The following DIP2C variants were observed in gnomAD, a reference collection of about 807,000 sequenced individuals.
The protein encoded by DIP2C is disco-interacting protein 2 homolog C.
A neutral mutation model predicts 192.4 loss-of-function variants in DIP2C; 33 were observed. That is an observed-to-expected ratio of 0.17 (90% confidence interval 0.13 to 0.23). The LOEUF is 0.23. Among genes scored for constraint, DIP2C ranks in the 10% least tolerant of loss-of-function variants. The probability of loss-of-function intolerance (pLI) is 1.00; values close to 1 mark genes in which losing one functional copy is unlikely to be tolerated. For synonymous variants in DIP2C, 979 were observed against 864.1 expected (o/e 1.13, Z -2.33); for missense variants, 1,537 against 2,110.1 (o/e 0.73, Z 5.32).
At chr10:441,648 G>A (rs755431287) in intron 3 of DIP2C, among the ~76,000 whole-genome samples, 11 of 152,160 alleles carry the variant, frequency 7.2e-5, no homozygotes, top group Non-Finnish European at 8.8e-5. Context: ...CTGCTGACAT[G>A]TAAAAAGTGC....
At chr10:443,026 C>CTCA in intron 3 of DIP2C, among the ~76,000 whole-genome samples, 1 of 152,196 alleles carries the variant, frequency 6.6e-6, no homozygotes, top group Non-Finnish European at 1.5e-5. Flanking sequence ...CCGGACTAGA[C>CTCA]TCAAGAGTAT....
chr10:366,680 ACAT>A (rs1193924954), intron 18 of DIP2C, among the ~76,000 whole-genome samples: 2 of 152,228 alleles, frequency 1.3e-5, no homozygotes, highest in Admixed American at 6.5e-5. Flanking sequence ...TAGGGGCGTG[ACAT>A]CATCTGCCAT....
intron 1 of DIP2C, among the ~76,000 whole-genome samples, chr10:645,266 CAG>C (rs1168157942): frequency 6.6e-6 from 1 of 152,168 alleles, no homozygotes; most frequent in Admixed American, 6.5e-5. Context: ...TCAGATCCAG[CAG>C]AGTCTTGTCT....
chr10:684,139 A>C (rs1831230853), intron 1 of DIP2C, among the ~76,000 whole-genome samples: 1 of 152,242 alleles, frequency 6.6e-6, no homozygotes, highest in African/African-American at 2.4e-5. Flanking sequence ...CATTCAAATC[A>C]AACTATTGTC....
At chr10:522,667 G>A (rs918627772) in intron 1 of DIP2C, among the ~76,000 whole-genome samples, 1 of 152,232 alleles carries the variant, frequency 6.6e-6, no homozygotes, top group African/African-American at 2.4e-5. Flanking sequence ...TGCCATCTGT[G>A]TCTCTTCTTT....
chr10:484,144 C>A (rs1177448287), intron 2 of DIP2C, among the ~76,000 whole-genome samples: 2 of 152,174 alleles, frequency 1.3e-5, no homozygotes, highest in Non-Finnish European at 2.9e-5. Flanking sequence ...TGAAGTGTAA[C>A]CCTGAACACG....
chr10:583,864 C>T (rs998441239), intron 1 of DIP2C, among the ~76,000 whole-genome samples: 2 of 152,248 alleles, frequency 1.3e-5, no homozygotes, highest in African/African-American at 4.8e-5. Context: ...CCCACACTGA[C>T]CACAGCCAGA....
At chr10:350,605 A>T (rs890532069) in intron 24 of DIP2C, among the ~76,000 whole-genome samples, 3 of 149,968 alleles carry the variant, frequency 2.0e-5, no homozygotes, top group African/African-American at 7.4e-5. Flanking sequence ...GCAGAGCCGA[A>T]GAGTGACTGA....
intron 1 of DIP2C, among the ~76,000 whole-genome samples, chr10:491,191 G>GT (rs1289326840): frequency 6.6e-6 from 1 of 152,180 alleles, no homozygotes; most frequent in Admixed American, 6.5e-5. Context: ...TGGGAGCCGC[G>GT]TGACCCTAGG....
chr10:318,409 T>A (rs1462718422), intron 31 of DIP2C, among the ~76,000 whole-genome samples: 1 of 152,178 alleles, frequency 6.6e-6, no homozygotes, highest in East Asian at 1.9e-4. Context: ...CCAGACACGA[T>A]CCAGGTTTGG....
chr10:496,341 C>G (rs1430843730), intron 1 of DIP2C, among the ~76,000 whole-genome samples: 1 of 146,494 alleles, frequency 6.8e-6, no homozygotes, highest in Non-Finnish European at 1.5e-5. Flanking sequence ...AATGCATGCC[C>G]TCCCGTGTAC....
intron 32 of DIP2C, among the ~76,000 whole-genome samples, chr10:306,836 A>C (rs1009998719): frequency 2.0e-5 from 3 of 152,104 alleles, no homozygotes; most frequent in African/African-American, 7.2e-5. Context: ...CTTTGTCCTC[A>C]CAGGTGCCTG....
chr10:593,497 C>A lies in DIP2C; in HGVS notation c.85+95997G>T, dbSNP rs1413496490. ...CTGCCCACGCGGGACCCCCCCCCCC[C>A]CACCCTTTCTGGAGAAATCAGCTGG... On this transcript the variant is annotated intron_variant, in intron 1 of 36. Transcript: ENST00000280886. 9.7e-5 allele frequency among the ~76,000 whole-genome samples: 12 copies of A among 124,236 alleles called. No individual in the cohort carries two copies. In the East Asian group the frequency reaches 1.5e-3, roughly 16 times the overall value. The allele number at this position is 124,236 out of a possible 152,430, so 81.5% of individuals were successfully genotyped here.
At chr10:556,039 A>G (rs2130967866) in intron 1 of DIP2C, among the ~76,000 whole-genome samples, 1 of 151,826 alleles carries the variant, frequency 6.6e-6, no homozygotes, top group East Asian at 1.9e-4. Flanking sequence ...AGACTCCCTC[A>G]CAGCACCCAC....
rs187418485 is a variant in DIP2C, at chr10:364,980, C to T, written c.2269-398G>A. 122 of 534,354 alleles carry T rather than the reference C, an allele frequency of 2.3e-4. No homozygotes were observed. In the East Asian group the frequency reaches 5.9e-3, roughly 26 times the overall value. 33.1% of individuals were successfully genotyped at this position (534,354 alleles called of 1,614,324 possible). ...ACGTCTGTTAGTTTTAAAGTAATCT[C>T]TCTTCATTCATAAAATGTTATTTGC... On this transcript the variant is annotated intron_variant, in intron 19 of 36. Transcript: ENST00000280886.
At chr10:316,662 G>A (rs1956786661) in intron 31 of DIP2C, among the ~76,000 whole-genome samples, 2 of 152,112 alleles carry the variant, frequency 1.3e-5, no homozygotes, top group South Asian at 2.1e-4. Context: ...ACCCTCGAGC[G>A]GGAGCCAGCG....
intron 2 of DIP2C, among the ~76,000 whole-genome samples, chr10:482,674 G>A (rs1843693632): frequency 6.6e-6 from 1 of 152,220 alleles, no homozygotes. Flanking sequence ...TCTGAGCAAA[G>A]AAGGTTCCAC....
Position 688,591 on chromosome 10 carries a change from G to A in DIP2C, c.85+903C>T, listed in dbSNP as rs563274172. On this transcript the variant is annotated intron_variant, in intron 1 of 36. Transcript: ENST00000280886. ...CCACCCCACCCCACGTTACAGGAAT[G>A]GCCTGACCAGGATGAGCCCAGAGAC... is the stretch of plus-strand genomic sequence containing the variant. 6.0e-5 allele frequency among the ~76,000 whole-genome samples: 8 copies of A among 134,216 alleles called. No individual in the cohort carries two copies. The Admixed American group carries it at 6.6e-4, about 11-fold the overall frequency. The allele number at this position is 134,216 out of a possible 152,430, so 88.1% of individuals were successfully genotyped here.
At chr10:615,058 G>C (rs1254122027) in intron 1 of DIP2C, among the ~76,000 whole-genome samples, 1 of 152,226 alleles carries the variant, frequency 6.6e-6, no homozygotes, top group African/African-American at 2.4e-5. Flanking sequence ...CGTCCCATGT[G>C]AAACAGGCAG....
Sources: gnomAD v4.1 joint callset for allele counts (sites outside exome capture counted in the v4.1 genomes callset) on GRCh38, gnomAD v4.1.1 for gene constraint, MANE v1.5 for transcripts, NCBI Gene and HGNC (gene_info 2026-07-23, HGNC 2026-07-21) for gene names.